NTM: variants seen among roughly 807,000 people sequenced by gnomAD.
The protein encoded by NTM is neurotrimin.
Under a neutral mutation model 42.1 loss-of-function variants are expected in NTM, and 13 were observed. The observed-to-expected ratio is 0.31, with a 90% CI of 0.20 to 0.49. The LOEUF is 0.49. NTM is among the 20% of genes least tolerant of loss of function. NTM has a pLI of 0.99. For synonymous variants in NTM, 187 were observed against 179.2 expected, an observed-to-expected ratio of 1.04 and a Z score of -0.35; for missense variants, 373 against 452.8, an observed-to-expected ratio of 0.82 and a Z score of 1.60.
chr11:131,800,393 C>T (rs2092000213), intron 1 of NTM, among the ~76,000 whole-genome samples: 1 of 152,220 alleles, frequency 6.6e-6, no homozygotes, highest in Non-Finnish European at 1.5e-5. Context: ...ACCTTCTATC[C>T]CTTCCTGGCC....
At chr11:131,491,319 A>C (rs1250385286) in intron 1 of NTM, among the ~76,000 whole-genome samples, 1 of 152,184 alleles carries the variant, frequency 6.6e-6, no homozygotes, top group Non-Finnish European at 1.5e-5. Context: ...GATAAAAAGT[A>C]TATAGCTAAG....
At chr11:131,751,675 G>A (rs564164997) in intron 1 of NTM, among the ~76,000 whole-genome samples, 12 of 151,946 alleles carry the variant, frequency 7.9e-5, no homozygotes, top group East Asian at 3.9e-4. Flanking sequence ...CAGGAAAATC[G>A]CTTGAACCCG....
chr11:132,080,778 A>C (rs1296574686), intron 2 of NTM, among the ~76,000 whole-genome samples: 1 of 152,238 alleles, frequency 6.6e-6, no homozygotes, highest in Non-Finnish European at 1.5e-5. Flanking sequence ...TAATCTAAAA[A>C]AAACTGTGAA....
intron 2 of NTM, among the ~76,000 whole-genome samples, chr11:131,946,885 G>A (rs765421346): frequency 5.3e-5 from 8 of 152,126 alleles, no homozygotes; most frequent in Non-Finnish European, 1.2e-4. Flanking sequence ...CTGTCAAACA[G>A]GCTACCATGA....
Position 132,314,630 on chromosome 11 carries a change from ACATGACTATGGGAAC to A in NTM, c.862_876del (p.His288_Asn292del). The A allele has an allele frequency of 6.2e-7, 1 of 1,614,048 alleles. No individual in the cohort carries two copies. The highest frequency in any genetic ancestry group is 8.5e-7 in the Non-Finnish European group (1 of 1,179,958). On this transcript the variant is annotated inframe_deletion, in exon 7 of 9. Coordinates refer to ENST00000683400, the MANE Select transcript of NTM (RefSeq NM_001352005.2). ...AACTCATCTTCTTCAATGTCTCTGA[ACATGACTATGGGAAC>A]TACACTTGCGTGGCCTCCAACAAGC...
chr11:132,041,192 T>TGG lies in NTM; in HGVS notation c.168-105089_168-105088insGG, dbSNP rs201017358. On this transcript the variant is annotated intron_variant, in intron 2 of 8. Coordinates refer to ENST00000683400, the MANE Select transcript of NTM (RefSeq NM_001352005.2). ...TATTTTTGCTCTGCCTTTTTGTTTGTGTGTGGGTGTGTGTGTGTGAGAGAG... is the reference window on the plus strand; with the variant it reads ...TATTTTTGCTCTGCCTTTTTGTTTGTGGGTGTGGGTGTGTGTGTGTGAGAGAG... 4.8e-3 allele frequency among the ~76,000 whole-genome samples: 582 copies of TGG among 120,944 alleles called. 2 individuals carry two copies. The highest frequency in any genetic ancestry group is 9.0e-3 in the East Asian group (23 of 2,552). The allele number at this position is 120,944 out of a possible 152,430, so 79.3% of individuals were successfully genotyped here. A position where few individuals can be genotyped will look rare whatever the true frequency, so the allele number is the denominator to read the frequency against.
intron 4 of NTM, among the ~76,000 whole-genome samples, chr11:132,260,892 G>A (rs923568269): frequency 2.0e-5 from 3 of 152,140 alleles, no homozygotes; most frequent in Admixed American, 6.6e-5. Context: ...TAGGCATCTC[G>A]CCTTGTTTTC....
At chr11:131,520,161 C>T (rs1301372665) in intron 1 of NTM, among the ~76,000 whole-genome samples, 1 of 152,118 alleles carries the variant, frequency 6.6e-6, no homozygotes, top group Non-Finnish European at 1.5e-5. Context: ...TTCTAAGTGA[C>T]CTAGAATTCC....
At chr11:131,698,966 G>A (rs1468898506) in intron 1 of NTM, among the ~76,000 whole-genome samples, 1 of 152,214 alleles carries the variant, frequency 6.6e-6, no homozygotes, top group Non-Finnish European at 1.5e-5. Flanking sequence ...TGGAGAATTA[G>A]GGAATTAGGG....
intron 3 of NTM, among the ~76,000 whole-genome samples, chr11:132,158,711 A>G (rs944760050): frequency 3.9e-5 from 6 of 152,256 alleles, no homozygotes; most frequent in African/African-American, 1.4e-4. Flanking sequence ...CTCTTTGGTC[A>G]GGCGTGAGAG....
intron 3 of NTM, among the ~76,000 whole-genome samples, chr11:132,199,218 G>A (rs991854081): frequency 6.6e-6 from 1 of 152,206 alleles, no homozygotes; most frequent in East Asian, 1.9e-4. Context: ...TAAGAAAGGC[G>A]TGACACCACA....
chr11:132,086,323 CAAA>C (rs71067358), intron 2 of NTM, among the ~76,000 whole-genome samples: 5 of 98,966 alleles, frequency 5.1e-5, no homozygotes, highest in African/African-American at 1.1e-4. Context: ...GACTCCATGT[CAAA>C]AAAAAAAAAA....
intron 7 of NTM, among the ~76,000 whole-genome samples, chr11:132,321,967 C>T (rs370383129): frequency 6.6e-6 from 1 of 150,520 alleles, no homozygotes; most frequent in African/African-American, 2.4e-5. Flanking sequence ...ACTTTACAGA[C>T]AAGCAAATGC....
chr11:132,136,343 G>T (rs1290030885), intron 2 of NTM, among the ~76,000 whole-genome samples: 1 of 152,238 alleles, frequency 6.6e-6, no homozygotes, highest in Non-Finnish European at 1.5e-5. Flanking sequence ...ACCACCAAAG[G>T]TGAGAGGATG....
At chr11:131,768,121 ATT>A (rs200565983) in intron 1 of NTM, among the ~76,000 whole-genome samples, 35,862 of 121,798 alleles carry the variant, frequency 0.29, 3,970 homozygotes, top group Admixed American at 0.4. Flanking sequence ...GCAAAAACTT[ATT>A]TTTTTTTTTT....
At chr11:132,082,423 C>T (rs973120802) in intron 2 of NTM, among the ~76,000 whole-genome samples, 4 of 152,216 alleles carry the variant, frequency 2.6e-5, no homozygotes, top group African/African-American at 4.8e-5. Context: ...TGGCTCCACT[C>T]CATTCCCCCG....
At chr11:131,494,103 A>G (rs953158518) in intron 1 of NTM, among the ~76,000 whole-genome samples, 3 of 152,282 alleles carry the variant, frequency 2.0e-5, no homozygotes, top group African/African-American at 7.2e-5. Context: ...ACCCTTCAAG[A>G]TCTTATATAT....
At chr11:132,242,403 G>A (rs1305446810) in intron 4 of NTM, among the ~76,000 whole-genome samples, 1 of 152,156 alleles carries the variant, frequency 6.6e-6, no homozygotes, top group Non-Finnish European at 1.5e-5. Flanking sequence ...GGGAAAAAAG[G>A]GGGGCTCCTG....
chr11:131,872,603 G>A (rs1184218828), intron 1 of NTM, among the ~76,000 whole-genome samples: 2 of 152,144 alleles, frequency 1.3e-5, no homozygotes, highest in African/African-American at 2.4e-5. Context: ...CTGCATGTGT[G>A]CATGTATAGT....
Sources: gnomAD v4.1 joint callset for allele counts (sites outside exome capture counted in the v4.1 genomes callset) on GRCh38, gnomAD v4.1.1 for gene constraint, MANE v1.5 for transcripts, NCBI Gene and HGNC (gene_info 2026-07-23, HGNC 2026-07-21) for gene names.